DTNBP1: variants seen among roughly 807,000 people sequenced by gnomAD.
DTNBP1 encodes dystrobrevin binding protein 1, also known as dysbindin.
Under a neutral mutation model 42.8 loss-of-function variants are expected in DTNBP1, and 35 were observed. The ratio of observed to expected loss-of-function variants is 0.82; its 90% CI spans 0.63 to 1.09. DTNBP1 has a LOEUF of 1.09. DTNBP1 is among the 50% of genes least tolerant of loss of function. The pLI, the probability that DTNBP1 is intolerant of heterozygous loss-of-function variation, is 0.00. For missense variants in DTNBP1, 457 were observed against 424.2 expected (o/e 1.08, Z -0.68); for synonymous variants, 171 against 162.2 (o/e 1.05, Z -0.41).
At chr6:15,570,014 C>A (rs187837039) in intron 7 of DTNBP1, among the ~76,000 whole-genome samples, 6 of 152,194 alleles carry the variant, frequency 3.9e-5, no homozygotes, top group Non-Finnish European at 8.8e-5. Context: ...TATGTGCATG[C>A]GTATGTATAC....
At chr6:15,646,400 C>T (rs1760683853) in intron 3 of DTNBP1, among the ~76,000 whole-genome samples, 1 of 151,758 alleles carries the variant, frequency 6.6e-6, no homozygotes. Context: ...ATTCCATGCT[C>T]ATGGATTAGA....
chr6:15,599,587 C>T (rs1041577171), intron 6 of DTNBP1, among the ~76,000 whole-genome samples: 19 of 152,142 alleles, frequency 1.2e-4, no homozygotes, highest in African/African-American at 4.1e-4. Flanking sequence ...TCTGGGTCTA[C>T]CTAGCTTGGG....
intron 6 of DTNBP1, among the ~76,000 whole-genome samples, chr6:15,594,683 T>G (rs1286801178): frequency 2.0e-5 from 3 of 151,930 alleles, no homozygotes. Flanking sequence ...ATCTACTTCT[T>G]AGTGACATCC....
At position 15,524,913 on chromosome 6, in the gene DTNBP1, G is replaced by A. The variant is rs149160856; in HGVS notation, c.668-244C>T. Among the ~76,000 whole-genome samples, 775 of 152,282 alleles carry A rather than the reference G, an allele frequency of 5.1e-3. 5 individuals carry two copies. Among genetic ancestry groups the A allele is most frequent in the Non-Finnish European group, 8.9e-3 (606 of 68,022 alleles). On this transcript the variant is annotated intron_variant, in intron 8 of 9. Transcript: ENST00000344537. ...CTGTTCATCCCCAGCCCTTTGGGAC[G>A]CTGAAGACTAATCTCTGCATTAAGT...
At chr6:15,618,044 C>T (rs1758815329) in intron 5 of DTNBP1, among the ~76,000 whole-genome samples, 1 of 152,068 alleles carries the variant, frequency 6.6e-6, no homozygotes. Context: ...ATATGGTGTT[C>T]TATTTTCGTT....
At chr6:15,535,498 A>T (rs1308759096) in intron 7 of DTNBP1, among the ~76,000 whole-genome samples, 1 of 152,068 alleles carries the variant, frequency 6.6e-6, no homozygotes. Context: ...TTGTATTTTT[A>T]GTAGAGATGG....
chr6:15,646,198 T>C (rs1760668216), intron 3 of DTNBP1, among the ~76,000 whole-genome samples: 2 of 151,504 alleles, frequency 1.3e-5, no homozygotes, highest in African/African-American at 2.4e-5. Flanking sequence ...TGCAGCATTT[T>C]TATACACCAA....
chr6:15,558,295 G>A (rs977249677), intron 7 of DTNBP1, among the ~76,000 whole-genome samples: 5 of 146,116 alleles, frequency 3.4e-5, no homozygotes, highest in African/African-American at 1.0e-4. Context: ...TTTTTGAGAC[G>A]GAGTCTCTGT....
chr6:15,598,522 T>TTTG (rs779276576), intron 6 of DTNBP1, among the ~76,000 whole-genome samples: 1 of 152,226 alleles, frequency 6.6e-6, no homozygotes, highest in Non-Finnish European at 1.5e-5. Context: ...ACAGTGTCCC[T>TTTG]TTGTTATGGC....
intron 6 of DTNBP1, among the ~76,000 whole-genome samples, chr6:15,613,441 A>T (rs1415094475): frequency 8.0e-6 from 1 of 125,168 alleles, no homozygotes; most frequent in Admixed American, 1.1e-4. Flanking sequence ...ATCTCGGCTC[A>T]CTGCAAGCTG....
chr6:15,627,698 C>T lies in DTNBP1; in HGVS notation c.223-223G>A, dbSNP rs796114197. Among the ~76,000 whole-genome samples, 4 of 151,984 alleles carry T rather than the reference C, an allele frequency of 2.6e-5. 1 individual carries two copies. The highest frequency in any genetic ancestry group is 9.6e-5 in the African/African-American group (4 of 41,464). ...TACTGCTTGTATCAGTGCATCTTAA[C>T]CCACAGAAGAGAAAGTTTAAAAATG... On this transcript the variant is annotated intron_variant, in intron 4 of 9. Transcript: ENST00000344537.
rs769028255 is a variant in DTNBP1, at chr6:15,523,160, A to C, written c.871T>G (p.Leu291Val). ...GAAGAAGAAGGTGGCTTGGCTCTTA[A>C]TTCTGAGGGATTTGGAACCTGGAGG... is the stretch of plus-strand genomic sequence containing the variant. Reference protein sequence around the residue: ...ITLQVPNPSELRAKPPSSSST... With the variant: ...ITLQVPNPSEVRAKPPSSSST... Residue 291 changes from leucine (L) to valine (V), a missense_variant, in exon 10 of 10, where the codon TTA becomes GTA. Physicochemically the swap from Leu to Val is conservative, Grantham distance 32 (BLOSUM62 1). Transcript: ENST00000344537. 6.2e-7 allele frequency: 1 copy of C among 1,614,264 alleles called. No individual in the cohort carries two copies. Among genetic ancestry groups the C allele is most frequent in the African/African-American group, 1.3e-5 (1 of 75,070 alleles).
At chr6:15,626,928 T>C (rs1470055976) in intron 5 of DTNBP1, among the ~76,000 whole-genome samples, 1 of 152,146 alleles carries the variant, frequency 6.6e-6, no homozygotes, top group Non-Finnish European at 1.5e-5. Context: ...TCCAATCCGT[T>C]TGAAGAGAAA....
At chr6:15,640,815 G>A (rs1760299087) in intron 3 of DTNBP1, among the ~76,000 whole-genome samples, 1 of 152,126 alleles carries the variant, frequency 6.6e-6, no homozygotes, top group South Asian at 2.1e-4. Context: ...GGTTTGGAGG[G>A]TAAACTGAGG....
At chr6:15,564,633 C>A (rs1399194497) in intron 7 of DTNBP1, among the ~76,000 whole-genome samples, 1 of 152,154 alleles carries the variant, frequency 6.6e-6, no homozygotes, top group Non-Finnish European at 1.5e-5. Flanking sequence ...GTATCGAACT[C>A]CTGACCTCAG....
At chr6:15,655,379 C>T (rs1011133117) in intron 1 of DTNBP1, among the ~76,000 whole-genome samples, 2 of 152,154 alleles carry the variant, frequency 1.3e-5, no homozygotes, top group African/African-American at 4.8e-5. Context: ...CCCACCTCAG[C>T]CTCCCCAAGT....
chr6:15,538,023 G>C (rs1224501795), intron 7 of DTNBP1, among the ~76,000 whole-genome samples: 1 of 152,146 alleles, frequency 6.6e-6, no homozygotes, highest in Non-Finnish European at 1.5e-5. Flanking sequence ...GTACTTCACA[G>C]GGGTGCAGGG....
At chr6:15,634,131 T>C (rs1252243320) in intron 4 of DTNBP1, among the ~76,000 whole-genome samples, 2 of 152,036 alleles carry the variant, frequency 1.3e-5, no homozygotes, top group Non-Finnish European at 2.9e-5. Context: ...AAACTATTAA[T>C]AGACTTTTCC....
At chr6:15,599,256 T>C (rs141593140) in intron 6 of DTNBP1, among the ~76,000 whole-genome samples, 10 of 152,330 alleles carry the variant, frequency 6.6e-5, no homozygotes, top group African/African-American at 2.4e-4. Context: ...GAGTTCCTAC[T>C]GTATACTCCA....
Sources: allele counts gnomAD v4.1 joint callset (sites outside exome capture counted in the v4.1 genomes callset), GRCh38; gene constraint gnomAD v4.1.1; transcripts MANE v1.5; gene names NCBI Gene and HGNC (gene_info 2026-07-23, HGNC 2026-07-21).